Variants in ST8SIA6 observed in about 807,000 individuals in gnomAD.
ST8SIA6 encodes the protein ST8 alpha-N-acetyl-neuraminide alpha-2,8-sialyltransferase 6, also known as alpha-2,8-sialyltransferase 8F.
ST8SIA6 carries 39 observed loss-of-function variants against 33.6 expected under a neutral mutation model. That is an observed-to-expected ratio of 1.16 (90% confidence interval 0.90 to 1.52). The LOEUF (loss-of-function observed/expected upper bound fraction) is 1.52, where lower values mean the gene tolerates loss of function less well. ST8SIA6 is among the 40% of genes most tolerant of loss of function. The pLI is 0.00. For synonymous variants in ST8SIA6, 172 were observed against 167.2 expected, an observed-to-expected ratio of 1.03 and a Z score of -0.22; for missense variants, 441 against 443.8, an observed-to-expected ratio of 0.99 and a Z score of 0.06.
chr10:17,402,090 AAAAC>A (rs1188015448), intron 2 of ST8SIA6, among the ~76,000 whole-genome samples: 1 of 152,048 alleles, frequency 6.6e-6, no homozygotes, highest in East Asian at 1.9e-4. Context: ...TTACAAGAAA[AAAAC>A]AACCCCATCA....
chr10:17,389,932 C>T (rs918895595), intron 3 of ST8SIA6, among the ~76,000 whole-genome samples: 2 of 151,796 alleles, frequency 1.3e-5, no homozygotes, highest in African/African-American at 4.8e-5. Flanking sequence ...AGCAATTCTC[C>T]TTCCTCAACC....
At chr10:17,384,762 T>C (rs1028725215) in intron 3 of ST8SIA6, among the ~76,000 whole-genome samples, 6 of 152,318 alleles carry the variant, frequency 3.9e-5, no homozygotes, top group African/African-American at 1.4e-4. Flanking sequence ...CCAATTTACA[T>C]ACATAAGCTA....
At chr10:17,403,263 A>G (rs945258657) in intron 2 of ST8SIA6, among the ~76,000 whole-genome samples, 6 of 152,234 alleles carry the variant, frequency 3.9e-5, no homozygotes, top group Admixed American at 1.3e-4. Flanking sequence ...CCTCAAATTC[A>G]GTGTGCAAAA....
intron 2 of ST8SIA6, among the ~76,000 whole-genome samples, chr10:17,394,938 G>A (rs2131668945): frequency 6.6e-6 from 1 of 152,274 alleles, no homozygotes; most frequent in South Asian, 2.1e-4. Context: ...AGACAAGCGT[G>A]GGCTGATTTG....
In ST8SIA6 at chr10:17,376,225, A is replaced by G. The variant is rs192590001; in HGVS notation, c.290+14306T>C. 2.0e-3 allele frequency among the ~76,000 whole-genome samples: 299 copies of G among 152,334 alleles called. 1 individual carries two copies. Among genetic ancestry groups the G allele is most frequent in the Non-Finnish European group, 1.7e-3 (114 of 68,026 alleles). On this transcript the variant is annotated intron_variant, in intron 3 of 7. Coordinates refer to ENST00000377602, the MANE Select transcript of ST8SIA6 (RefSeq NM_001004470.3). The stretch of plus-strand genomic sequence containing the variant: ...TATTAGTAGCTACTCTTTGAGCAGC[A>G]AGATGGTTGAAAATGGCTTGATCTT...
intron 4 of ST8SIA6, among the ~76,000 whole-genome samples, chr10:17,358,910 G>C (rs759096712): frequency 3.9e-5 from 6 of 152,188 alleles, no homozygotes; most frequent in Non-Finnish European, 2.9e-5. Flanking sequence ...AGAACTATCA[G>C]ATAAGTACTG....
chr10:17,435,748 A>G (rs1173025977), intron 2 of ST8SIA6, among the ~76,000 whole-genome samples: 2 of 152,158 alleles, frequency 1.3e-5, no homozygotes, highest in African/African-American at 4.8e-5. Context: ...AGAAATCTGA[A>G]TATTAATGGA....
At chr10:17,451,697 A>G (rs1302824323) in intron 2 of ST8SIA6, among the ~76,000 whole-genome samples, 1 of 152,208 alleles carries the variant, frequency 6.6e-6, no homozygotes, top group Non-Finnish European at 1.5e-5. Context: ...TGGGAAGATC[A>G]GACCAGCTCC....
chr10:17,322,124 GGA>G (rs1847972768), intron 7 of ST8SIA6, among the ~76,000 whole-genome samples: 1 of 130,176 alleles, frequency 7.7e-6, no homozygotes, highest in Admixed American at 8.2e-5. Context: ...GAGAGAGAGA[GGA>G]AGGAAGGAAG....
chr10:17,333,215 C>A (rs1378678023), intron 4 of ST8SIA6, among the ~76,000 whole-genome samples: 3 of 151,982 alleles, frequency 2.0e-5, no homozygotes, highest in Non-Finnish European at 4.4e-5. Flanking sequence ...AGGAGAACTA[C>A]AAATCATTGC....
chr10:17,327,087 C>T lies in ST8SIA6; in HGVS notation c.562G>A (p.Val188Met). ...TTCAGAATTCCCCCATTTCCGACCA[C>T]TGCACACTGATTATAAGGGTAGTCC... ...FVDYPYNQCA[V>M]VGNGGILNKS... is the part of the protein sequence containing the mutation. The change falls in exon 6 of 8, where the codon GTG (valine) becomes ATG (methionine). Residue 188 changes from valine to methionine, a missense_variant. Coordinates refer to ENST00000377602, the MANE Select transcript of ST8SIA6 (RefSeq NM_001004470.3). The T allele has an allele frequency of 6.2e-7, 1 of 1,609,972 alleles. No homozygotes were observed. Among genetic ancestry groups the T allele is most frequent in the South Asian group, 1.1e-5 (1 of 90,110 alleles).
intron 4 of ST8SIA6, 150 bp from the exon 5 acceptor site, chr10:17,331,702 T>C: frequency 1.3e-6 from 1 of 779,838 alleles, no homozygotes; most frequent in East Asian, 3.0e-5. Context: ...ATTTTTGTCC[T>C]CCAGGTTTCA....
intron 2 of ST8SIA6, among the ~76,000 whole-genome samples, chr10:17,427,414 G>T (rs542600166): frequency 1.5e-4 from 23 of 152,302 alleles, no homozygotes; most frequent in African/African-American, 5.5e-4. Context: ...ACAACCAAAG[G>T]TTTTCAGATG....
chr10:17,363,290 ATGTG>A (rs79432164), intron 3 of ST8SIA6, among the ~76,000 whole-genome samples: 3 of 150,788 alleles, frequency 2.0e-5, no homozygotes, highest in Non-Finnish European at 3.0e-5. Flanking sequence ...AGGCATGCAT[ATGTG>A]TGTGTGTGTG....
intron 2 of ST8SIA6, among the ~76,000 whole-genome samples, chr10:17,446,212 C>T (rs1168450977): frequency 6.6e-6 from 1 of 151,936 alleles, no homozygotes; most frequent in Non-Finnish European, 1.5e-5. Context: ...CACTTGAGGA[C>T]ATCTAGGTCG....
intron 2 of ST8SIA6, among the ~76,000 whole-genome samples, chr10:17,415,400 T>G (rs761138508): frequency 6.6e-6 from 1 of 152,172 alleles, no homozygotes; most frequent in Non-Finnish European, 1.5e-5. Context: ...GGGAGAAGAC[T>G]GAAGCCTATC....
intron 2 of ST8SIA6, chr10:17,407,969 T>TA (rs1851328741): frequency 6.6e-6 from 1 of 152,624 alleles, no homozygotes; most frequent in Non-Finnish European, 1.5e-5. Context: ...AATTTTCAGA[T>TA]AAAAATCATA....
At chr10:17,329,165 G>A (rs1461308975) in intron 5 of ST8SIA6, among the ~76,000 whole-genome samples, 1 of 152,150 alleles carries the variant, frequency 6.6e-6, no homozygotes, top group Non-Finnish European at 1.5e-5. Flanking sequence ...CCTTTGAAAT[G>A]TAAAAGTCAT....
chr10:17,354,617 G>A (rs1271611176), intron 4 of ST8SIA6, among the ~76,000 whole-genome samples: 3 of 152,026 alleles, frequency 2.0e-5, no homozygotes, highest in South Asian at 2.1e-4. Flanking sequence ...AATTCATAGC[G>A]GAAACTTAGA....
Sources: gnomAD v4.1 joint callset for allele counts (sites outside exome capture counted in the v4.1 genomes callset) on GRCh38, gnomAD v4.1.1 for gene constraint, MANE v1.5 for transcripts, NCBI Gene and HGNC (gene_info 2026-07-23, HGNC 2026-07-21) for gene names.